The following SIRPG variants were observed in gnomAD, a reference collection of about 807,000 sequenced individuals.
The protein encoded by SIRPG is signal regulatory protein gamma, also known as signal-regulatory protein gamma.
A neutral mutation model predicts 35.7 loss-of-function variants in SIRPG; 38 were observed. The ratio of observed to expected loss-of-function variants is 1.06; its 90% CI spans 0.82 to 1.40. The LOEUF (loss-of-function observed/expected upper bound fraction) is 1.40, where lower values mean the gene tolerates loss of function less well. SIRPG is among the 40% of genes most tolerant of loss of function. The pLI is 0.00. For missense variants in SIRPG, 519 were observed against 483.0 expected (o/e 1.07, Z -0.70); for synonymous variants, 215 against 190.4 (o/e 1.13, Z -1.06).
chr20:1,668,188 T>TTTCTTTCTTTTTCTTTTC, the SIRPG span, among the ~76,000 whole-genome samples: 9 of 63,572 alleles, frequency 1.4e-4, no homozygotes, highest in African/African-American at 4.4e-4. Context: ...TCTTTCTTTC[T>TTTCTTTCTTTTTCTTTTC]TTTTCTTTTC....
chr20:1,674,792 T>C, the SIRPG span, among the ~76,000 whole-genome samples: 5 of 152,182 alleles, frequency 3.3e-5, no homozygotes, highest in African/African-American at 1.2e-4. Flanking sequence ...GTGCCTACAA[T>C]GTGCTAGGTG....
intron 1 of SIRPG, among the ~76,000 whole-genome samples, chr20:1,650,069 A>G (rs2091930808): frequency 2.1e-5 from 3 of 143,446 alleles, no homozygotes; most frequent in South Asian, 4.3e-4. Context: ...TTTTATATAT[A>G]TATATGTATT....
At chr20:1,667,611 G>A in the SIRPG span, among the ~76,000 whole-genome samples, 1 of 152,160 alleles carries the variant, frequency 6.6e-6, no homozygotes, top group Admixed American at 6.5e-5. Flanking sequence ...CTGGCACTAG[G>A]GAGGCTCCCT....
chr20:1,635,316 G>A lies in SIRPG; in HGVS notation c.1032C>T (p.Ala344=). ...CCTTCTGGTGGACTGTGACCTCTAG[G>A]GCAAGGCGTTTGCTGACCGCCAGCT... is the stretch of plus-strand genomic sequence containing the variant. ...DGQLAVSKRL[A]LEVTVHQKDQ... is the part of the protein sequence containing the mutation. Residue 344 remains alanine (A), a synonymous_variant, in exon 4 of 6, where the codon GCC becomes GCT. Coordinates refer to ENST00000303415, the MANE Select transcript of SIRPG (RefSeq NM_018556.4). 1 of 1,614,144 alleles carries A rather than the reference G, an allele frequency of 6.2e-7. No homozygotes were observed.
intron 1 of SIRPG, among the ~76,000 whole-genome samples, chr20:1,656,652 G>A (rs2091977939): frequency 6.6e-6 from 1 of 152,074 alleles, no homozygotes; most frequent in Admixed American, 6.5e-5. Context: ...CTGTGAACAG[G>A]GCTCTCTCAG....
At chr20:1,645,757 C>A (rs1314138488) in intron 2 of SIRPG, among the ~76,000 whole-genome samples, 1 of 152,188 alleles carries the variant, frequency 6.6e-6, no homozygotes, top group Non-Finnish European at 1.5e-5. Context: ...CAGTTGAGTT[C>A]TTGCCCATGC....
At chr20:1,655,376 C>A (rs987478824) in intron 1 of SIRPG, among the ~76,000 whole-genome samples, 2 of 152,140 alleles carry the variant, frequency 1.3e-5, no homozygotes, top group Admixed American at 1.3e-4. Flanking sequence ...TCATTTGCAA[C>A]AACATGGATG....
At chr20:1,683,296 T>C in the SIRPG span, among the ~76,000 whole-genome samples, 1 of 152,186 alleles carries the variant, frequency 6.6e-6, no homozygotes, top group African/African-American at 2.4e-5. Flanking sequence ...CCACTGTTGG[T>C]GAGAATGTAA....
chr20:1,636,917 G>A lies in SIRPG; in HGVS notation c.431-412C>T, dbSNP rs1307999653. ...AAGTAGGGAACAATGGCAAAGTGGC[G>A]CCACCATGAGACCTGCAACCAGGCT... On this transcript the variant is annotated intron_variant, in intron 2 of 5. Coordinates refer to ENST00000303415, the MANE Select transcript of SIRPG (RefSeq NM_018556.4). Among the ~76,000 whole-genome samples, 8 of 152,268 alleles carry A rather than the reference G, an allele frequency of 5.3e-5. No individual in the cohort carries two copies. In the East Asian group the frequency reaches 9.7e-4, roughly 18 times the overall value.
chr20:1,683,000 T>A, the SIRPG span, among the ~76,000 whole-genome samples: 2 of 152,214 alleles, frequency 1.3e-5, no homozygotes, highest in African/African-American at 2.4e-5. Context: ...ATTATACATT[T>A]GATAAGGAGT....
the SIRPG span, among the ~76,000 whole-genome samples, chr20:1,673,653 G>A: frequency 4.6e-5 from 7 of 151,932 alleles, no homozygotes; most frequent in Admixed American, 4.6e-4. Flanking sequence ...CACCAAGTGA[G>A]GATTCTCTCC....
intron 1 of SIRPG, among the ~76,000 whole-genome samples, chr20:1,652,099 G>A (rs2091943454): frequency 6.6e-6 from 1 of 152,088 alleles, no homozygotes; most frequent in Admixed American, 6.6e-5. Flanking sequence ...GGAATTTCTA[G>A]ACCACTCCTG....
intron 2 of SIRPG, among the ~76,000 whole-genome samples, chr20:1,644,778 C>A (rs1209701994): frequency 6.6e-6 from 1 of 152,220 alleles, no homozygotes; most frequent in South Asian, 2.1e-4. Context: ...TCACTCACCG[C>A]CTCCCTTGGC....
intron 2 of SIRPG, among the ~76,000 whole-genome samples, chr20:1,641,235 G>T (rs953673444): frequency 1.3e-5 from 2 of 152,108 alleles, no homozygotes; most frequent in Admixed American, 6.6e-5. Context: ...AATCCATCTG[G>T]TCCTGGGCTT....
chr20:1,661,066 A>G (rs1389230018), upstream of SIRPG, among the ~76,000 whole-genome samples: 1 of 152,206 alleles, frequency 6.6e-6, no homozygotes, highest in East Asian at 1.9e-4. Flanking sequence ...CATGTCCTCC[A>G]AAAGTTATAT....
chr20:1,656,511 C>A (rs1330397609), intron 1 of SIRPG, among the ~76,000 whole-genome samples: 1 of 152,186 alleles, frequency 6.6e-6, no homozygotes, highest in Non-Finnish European at 1.5e-5. Flanking sequence ...AGACCTTGCC[C>A]TCTAAGACCT....
chr20:1,635,128 T>A, intron 4 of SIRPG, 139 bp downstream of exon 4: 1 of 634,680 alleles, frequency 1.6e-6, no homozygotes, highest in Non-Finnish European at 2.7e-6. Context: ...ACTCTTCGCA[T>A]GTGGGATTTG....
At chr20:1,663,198 A>C in the SIRPG span, among the ~76,000 whole-genome samples, 1 of 152,180 alleles carries the variant, frequency 6.6e-6, no homozygotes, top group Non-Finnish European at 1.5e-5. Flanking sequence ...CTGTAGTCCC[A>C]GCTACTCGGG....
upstream of SIRPG, among the ~76,000 whole-genome samples, chr20:1,658,241 A>G (rs2091986048): frequency 6.6e-6 from 1 of 152,194 alleles, no homozygotes; most frequent in Non-Finnish European, 1.5e-5. Context: ...TTTCTATTCC[A>G]AATTGCTATA....
Sources: gnomAD v4.1 joint callset for allele counts (sites outside exome capture counted in the v4.1 genomes callset) on GRCh38, gnomAD v4.1.1 for gene constraint, MANE v1.5 for transcripts, NCBI Gene and HGNC (gene_info 2026-07-23, HGNC 2026-07-21) for gene names.